Variants in ENOX1 observed in about 807,000 individuals in gnomAD.
The protein encoded by ENOX1 is ecto-NOX disulfide-thiol exchanger 1.
In ENOX1, 42 loss-of-function variants were observed where a neutral mutation model predicts 82.5. That is an observed-to-expected ratio of 0.51 (90% CI 0.40 to 0.66). The LOEUF (loss-of-function observed/expected upper bound fraction) is 0.66. Ranked by LOEUF, ENOX1 falls within the 30% of genes least tolerant of loss-of-function variation. ENOX1 has a pLI of 0.00. For missense variants in ENOX1, 608 were observed against 811.6 expected (o/e 0.75, Z 3.05); for synonymous variants, 271 against 282.2 (o/e 0.96, Z 0.40).
intron 1 of ENOX1, among the ~76,000 whole-genome samples, chr13:43,682,546 G>T (rs529716389): frequency 6.6e-6 from 1 of 152,148 alleles, no homozygotes; most frequent in East Asian, 1.9e-4. Context: ...ACCATGGGTG[G>T]TGGCAGTTGT....
chr13:43,424,060 A>G (rs2055142479), intron 3 of ENOX1, among the ~76,000 whole-genome samples: 1 of 152,234 alleles, frequency 6.6e-6, no homozygotes, highest in Non-Finnish European at 1.5e-5. Flanking sequence ...AGATATAGCC[A>G]TCAAAAGAGG....
At chr13:43,368,898 G>A (rs753878574) in intron 5 of ENOX1, among the ~76,000 whole-genome samples, 1 of 152,192 alleles carries the variant, frequency 6.6e-6, no homozygotes, top group African/African-American at 2.4e-5. Flanking sequence ...AGCTAGTTAA[G>A]AGGAGAGCTG....
At chr13:43,260,539 C>T (rs1048982662) in intron 14 of ENOX1, among the ~76,000 whole-genome samples, 3 of 152,174 alleles carry the variant, frequency 2.0e-5, no homozygotes, top group Non-Finnish European at 2.9e-5. Context: ...CACTGCATTT[C>T]ATTCCTCCTA....
intron 2 of ENOX1, among the ~76,000 whole-genome samples, chr13:43,568,404 G>A (rs1424848224): frequency 4.6e-5 from 7 of 152,124 alleles, no homozygotes; most frequent in Non-Finnish European, 7.3e-5. Context: ...AGCCGTGTCA[G>A]GGTGCCCCGG....
chr13:43,652,725 A>T (rs1003791494), intron 2 of ENOX1, among the ~76,000 whole-genome samples: 4 of 152,120 alleles, frequency 2.6e-5, no homozygotes, highest in African/African-American at 9.7e-5. Context: ...GTGCAAGATG[A>T]CCTGACTTTC....
chr13:43,398,568 C>T (rs2053293361), intron 5 of ENOX1, among the ~76,000 whole-genome samples: 1 of 152,112 alleles, frequency 6.6e-6, no homozygotes, highest in South Asian at 2.1e-4. Flanking sequence ...TGAAGGTCCA[C>T]TTATCACCAA....
At chr13:43,496,783 G>A (rs1346795696) in intron 2 of ENOX1, among the ~76,000 whole-genome samples, 1 of 151,964 alleles carries the variant, frequency 6.6e-6, no homozygotes, top group Non-Finnish European at 1.5e-5. Context: ...AACATATTCT[G>A]TTCCATTGAT....
intron 2 of ENOX1, among the ~76,000 whole-genome samples, chr13:43,502,696 A>G (rs4427700): frequency 0.96 from 145,507 of 151,454 alleles, 70,190 homozygotes; most frequent in East Asian, 1. Flanking sequence ...GGTAAAGAAG[A>G]AACTTACCTT....
At position 43,213,867 on chromosome 13, in the gene ENOX1, G is replaced by T; in HGVS notation, c.*123C>A. On this transcript the variant is annotated 3_prime_UTR_variant, in exon 17 of 17. Coordinates refer to ENST00000690772, the MANE Select transcript of ENOX1 (RefSeq NM_001347969.2). The stretch of plus-strand genomic sequence containing the variant: ...GAGAACGCCACAGATATAACTAAAG[G>T]CAGGCTTCGATGGCTCCACAAAGGT... 3 of 1,046,934 alleles carry T rather than the reference G, an allele frequency of 2.9e-6. No individual in the cohort carries two copies. The highest frequency in any genetic ancestry group is 4.0e-6 in the Non-Finnish European group (3 of 742,108). 64.9% of individuals were successfully genotyped at this position (1,046,934 alleles called of 1,614,324 possible).
intron 14 of ENOX1, among the ~76,000 whole-genome samples, chr13:43,262,834 T>C (rs1465310633): frequency 6.6e-6 from 1 of 152,200 alleles, no homozygotes; most frequent in Non-Finnish European, 1.5e-5. Flanking sequence ...GTATGTACTC[T>C]AGGCTTGGTG....
intron 11 of ENOX1, among the ~76,000 whole-genome samples, chr13:43,301,210 T>C (rs1187715722): frequency 6.6e-6 from 1 of 152,226 alleles, no homozygotes; most frequent in Non-Finnish European, 1.5e-5. Flanking sequence ...TTTATTATCA[T>C]AACTGATAGC....
Position 43,434,346 on chromosome 13 carries a change from C to T in ENOX1, c.-74-21358G>A, listed in dbSNP as rs543590838. Among the ~76,000 whole-genome samples, 12 of 152,300 alleles carry T rather than the reference C, an allele frequency of 7.9e-5. No individual in the cohort carries two copies. The South Asian group carries it at 2.5e-3, about 32-fold the overall frequency. On this transcript the variant is annotated intron_variant, in intron 3 of 16. Transcript: ENST00000690772. Reference sequence around the variant, plus strand: ...ACATCCAAGGAGCTAGTCGCTCTCCCTCTAGTCCTTCGGCCTTCCTTTCTG... The same window carrying T: ...ACATCCAAGGAGCTAGTCGCTCTCCTTCTAGTCCTTCGGCCTTCCTTTCTG...
At chr13:43,605,255 A>G (rs1216202176) in intron 2 of ENOX1, among the ~76,000 whole-genome samples, 1 of 152,210 alleles carries the variant, frequency 6.6e-6, no homozygotes, top group Non-Finnish European at 1.5e-5. Context: ...TACAGATTCA[A>G]TGTAATCCCT....
intron 1 of ENOX1, among the ~76,000 whole-genome samples, chr13:43,711,988 T>C (rs2087754424): frequency 1.3e-5 from 2 of 149,020 alleles, no homozygotes; most frequent in African/African-American, 4.9e-5. Context: ...AGACACGAAG[T>C]CCTTGCCCAT....
chr13:43,337,578 C>T (rs1482561359), intron 9 of ENOX1, among the ~76,000 whole-genome samples: 1 of 152,132 alleles, frequency 6.6e-6, no homozygotes, highest in South Asian at 2.1e-4. Flanking sequence ...GGAAACAGCA[C>T]AAGCAAATGT....
chr13:43,375,165 GA>G (rs2051530598), intron 5 of ENOX1, among the ~76,000 whole-genome samples: 1 of 151,254 alleles, frequency 6.6e-6, no homozygotes, highest in Non-Finnish European at 1.5e-5. Context: ...ACCTTGTCCA[GA>G]AAGAGAATTC....
intron 2 of ENOX1, 73 bp downstream of exon 2, chr13:43,667,406 T>C: frequency 1.1e-6 from 1 of 952,276 alleles, no homozygotes; most frequent in Non-Finnish European, 1.3e-6. Flanking sequence ...AGAGGTATAA[T>C]TAAACTACAT....
chr13:43,344,810 T>C, intron 8 of ENOX1, 60 bp from the exon 9 acceptor site: 1 of 1,538,342 alleles, frequency 6.5e-7, no homozygotes, highest in Non-Finnish European at 9.0e-7. Flanking sequence ...CACTTTATTC[T>C]TGTTCCTCTC....
chr13:43,320,902 G>T (rs1593915319), intron 11 of ENOX1, among the ~76,000 whole-genome samples: 1 of 152,180 alleles, frequency 6.6e-6, no homozygotes, highest in East Asian at 1.9e-4. Context: ...CTATGTGAAG[G>T]TTTGTAGAAT....
Sources: gnomAD v4.1 joint callset for allele counts (sites outside exome capture counted in the v4.1 genomes callset) on GRCh38, gnomAD v4.1.1 for gene constraint, MANE v1.5 for transcripts, NCBI Gene and HGNC (gene_info 2026-07-23, HGNC 2026-07-21) for gene names.